The following GPR158 variants were observed in gnomAD, a reference collection of about 807,000 sequenced individuals.
GPR158 encodes G protein-coupled receptor 158.
GPR158 carries 30 observed loss-of-function variants against 78.2 expected under a neutral mutation model. That is an observed-to-expected ratio of 0.38 (90% CI 0.29 to 0.52). The LOEUF is 0.52. GPR158 is among the 20% of genes least tolerant of loss of function. The pLI, the probability that GPR158 is intolerant of heterozygous loss-of-function variation, is 0.83. For synonymous variants in GPR158, 581 were observed against 591.1 expected (o/e 0.98, Z 0.25); for missense variants, 1,463 against 1,523.5 (o/e 0.96, Z 0.66).
chr10:25,321,816 T>C (rs897714181), intron 2 of GPR158, among the ~76,000 whole-genome samples: 1 of 152,154 alleles, frequency 6.6e-6, no homozygotes, highest in Non-Finnish European at 1.5e-5. Context: ...AACTTTACAA[T>C]AAGGAGGATA....
chr10:25,467,621 T>A (rs1164373019), intron 5 of GPR158, among the ~76,000 whole-genome samples: 1 of 152,158 alleles, frequency 6.6e-6, no homozygotes, highest in Non-Finnish European at 1.5e-5. Context: ...TTGTAGGGCA[T>A]GACTCCCCAG....
chr10:25,380,340 T>C (rs1211828779), intron 2 of GPR158, among the ~76,000 whole-genome samples: 2 of 152,212 alleles, frequency 1.3e-5, no homozygotes, highest in African/African-American at 4.8e-5. Flanking sequence ...TCCTAAAGTG[T>C]ACTTTATAAA....
intron 5 of GPR158, among the ~76,000 whole-genome samples, chr10:25,543,523 C>T (rs1428324266): frequency 6.6e-6 from 1 of 152,164 alleles, no homozygotes; most frequent in Admixed American, 6.6e-5. Context: ...AATTTTGTTA[C>T]ATGGCTGTAG....
chr10:25,410,198 G>A (rs568630570), intron 3 of GPR158, among the ~76,000 whole-genome samples: 43 of 152,208 alleles, frequency 2.8e-4, no homozygotes, highest in African/African-American at 1.0e-3. Context: ...CTATATCTCA[G>A]TTCTGTCTTC....
At chr10:25,227,661 G>C (rs564692708) in intron 2 of GPR158, among the ~76,000 whole-genome samples, 2 of 151,924 alleles carry the variant, frequency 1.3e-5, no homozygotes, top group Non-Finnish European at 2.9e-5. Context: ...CATTATTTTA[G>C]GTCCTAGGGA....
intron 6 of GPR158, among the ~76,000 whole-genome samples, chr10:25,570,681 G>A (rs572770014): frequency 6.6e-4 from 101 of 152,242 alleles, no homozygotes; most frequent in Admixed American, 2.5e-3. Flanking sequence ...TTGGGAGGCC[G>A]AGGCGGGCAG....
At chr10:25,329,471 C>T (rs375305322) in intron 2 of GPR158, among the ~76,000 whole-genome samples, 2 of 151,474 alleles carry the variant, frequency 1.3e-5, no homozygotes, top group East Asian at 1.9e-4. Context: ...ATTTTATTTT[C>T]GTTGCTTGGC....
intron 1 of GPR158, among the ~76,000 whole-genome samples, chr10:25,216,713 T>C (rs910978218): frequency 6.6e-5 from 10 of 152,214 alleles, no homozygotes; most frequent in Non-Finnish European, 1.5e-4. Flanking sequence ...CTCTCTTCCA[T>C]ATCAGACTTG....
At chr10:25,299,022 AC>A (rs1421598998) in intron 2 of GPR158, among the ~76,000 whole-genome samples, 2 of 152,206 alleles carry the variant, frequency 1.3e-5, no homozygotes, top group Admixed American at 6.5e-5. Flanking sequence ...CAAAGATTGA[AC>A]ATTTAGCATA....
At chr10:25,498,646 G>T (rs1835915419) in intron 5 of GPR158, among the ~76,000 whole-genome samples, 1 of 152,168 alleles carries the variant, frequency 6.6e-6, no homozygotes, top group South Asian at 2.1e-4. Context: ...TTGTAAACCT[G>T]GGCTTTCTGT....
chr10:25,527,489 A>C (rs1836365947), intron 5 of GPR158, among the ~76,000 whole-genome samples: 2 of 152,328 alleles, frequency 1.3e-5, no homozygotes, highest in Middle Eastern at 3.4e-3. Flanking sequence ...TTAAACAATT[A>C]GCGTGTAAAA....
chr10:25,377,779 C>T (rs1456572534), intron 2 of GPR158, among the ~76,000 whole-genome samples: 4 of 151,998 alleles, frequency 2.6e-5, no homozygotes, highest in Non-Finnish European at 5.9e-5. Context: ...CATTCGTCAG[C>T]TGATGGACAT....
intron 2 of GPR158, among the ~76,000 whole-genome samples, chr10:25,336,958 T>C (rs1406629578): frequency 6.6e-6 from 1 of 152,078 alleles, no homozygotes; most frequent in East Asian, 1.9e-4. Context: ...ATATTACTCA[T>C]TGTATATTTT....
intron 2 of GPR158, among the ~76,000 whole-genome samples, chr10:25,247,568 T>C (rs1304514092): frequency 7.9e-5 from 10 of 126,594 alleles, no homozygotes; most frequent in Non-Finnish European, 1.5e-4. Context: ...ATGCGGTGTT[T>C]GGTTTTTTGT....
chr10:25,277,867 A>G (rs540510766), intron 2 of GPR158, among the ~76,000 whole-genome samples: 9 of 152,326 alleles, frequency 5.9e-5, no homozygotes, highest in African/African-American at 2.2e-4. Flanking sequence ...TTGCAACTAC[A>G]GACCTCAGGC....
intron 2 of GPR158, among the ~76,000 whole-genome samples, chr10:25,380,143 G>A (rs1834135180): frequency 6.6e-6 from 1 of 151,960 alleles, no homozygotes; most frequent in Admixed American, 6.6e-5. Context: ...CTTGTGCTAG[G>A]ATTTGGGAAC....
chr10:25,479,011 G>A (rs985028951), intron 5 of GPR158, among the ~76,000 whole-genome samples: 1 of 90,186 alleles, frequency 1.1e-5, no homozygotes, highest in Non-Finnish European at 2.1e-5. Context: ...TTTCCATGGT[G>A]TATATGTGCC....
At chr10:25,546,139 T>A (rs1836659245) in intron 5 of GPR158, among the ~76,000 whole-genome samples, 1 of 152,190 alleles carries the variant, frequency 6.6e-6, no homozygotes, top group Non-Finnish European at 1.5e-5. Context: ...ATTTCTCTTT[T>A]AAAAGCAGTA....
At chr10:25,371,537 T>G (rs1487133567) in intron 2 of GPR158, among the ~76,000 whole-genome samples, 2 of 150,276 alleles carry the variant, frequency 1.3e-5, no homozygotes, top group Non-Finnish European at 3.0e-5. Flanking sequence ...AACAGAGCCC[T>G]CAGAAATAAT....
Sources: gnomAD v4.1 joint callset for allele counts (sites outside exome capture counted in the v4.1 genomes callset) on GRCh38, gnomAD v4.1.1 for gene constraint, MANE v1.5 for transcripts, NCBI Gene and HGNC (gene_info 2026-07-23, HGNC 2026-07-21) for gene names.